Variants in ROR2 observed in about 807,000 individuals in gnomAD.
ROR2 encodes the protein ROR family WNT receptor 2.
In ROR2, 33 loss-of-function variants were observed where a neutral mutation model predicts 74.9. That is an observed-to-expected ratio of 0.44 (90% CI 0.33 to 0.59). ROR2 has a LOEUF of 0.59. Ranked by LOEUF, ROR2 falls within the 20% of genes least tolerant of loss-of-function variation. The pLI is 0.02. For missense variants in ROR2, 1,216 were observed against 1,313.8 expected (o/e 0.93, Z 1.15); for synonymous variants, 586 against 558.7 (o/e 1.05, Z -0.69).
chr9:91,757,586 G>A, intron 2 of ROR2, 27 bp from the exon 3 acceptor site: 1 of 1,608,230 alleles, frequency 6.2e-7, no homozygotes, highest in Non-Finnish European at 8.5e-7. Context: ...TCACAAAAGA[G>A]CAAGCGTCAG....
At chr9:91,908,205 C>T (rs577854435) in intron 1 of ROR2, among the ~76,000 whole-genome samples, 1 of 152,094 alleles carries the variant, frequency 6.6e-6, no homozygotes, top group Admixed American at 6.5e-5. Flanking sequence ...GTGGTGGGGA[C>T]GCTATCTATG....
chr9:91,913,218 T>A (rs1176997366), intron 1 of ROR2, among the ~76,000 whole-genome samples: 7 of 152,292 alleles, frequency 4.6e-5, no homozygotes, highest in African/African-American at 1.7e-4. Context: ...AAATCGACTA[T>A]AGTTACTAAA....
intron 1 of ROR2, among the ~76,000 whole-genome samples, chr9:91,823,710 C>G (rs757445519): frequency 1.8e-4 from 27 of 152,196 alleles, no homozygotes; most frequent in Non-Finnish European, 3.2e-4. Flanking sequence ...GCAGTATTAT[C>G]TTTCAACTTT....
At chr9:91,911,032 C>T (rs1339931646) in intron 1 of ROR2, among the ~76,000 whole-genome samples, 1 of 152,244 alleles carries the variant, frequency 6.6e-6, no homozygotes, top group Non-Finnish European at 1.5e-5. Context: ...TGCTTCAGAA[C>T]ACTATTAGTC....
chr9:91,734,588 C>A (rs938833426), intron 5 of ROR2, among the ~76,000 whole-genome samples: 31 of 152,112 alleles, frequency 2.0e-4, no homozygotes, highest in African/African-American at 7.2e-4. Context: ...TCAGTCATTC[C>A]CTGGGAACCC....
intron 1 of ROR2, among the ~76,000 whole-genome samples, chr9:91,827,021 G>A (rs1209399727): frequency 1.3e-5 from 2 of 152,144 alleles, no homozygotes; most frequent in African/African-American, 4.8e-5. Context: ...TTAAAGCATT[G>A]ACGCATGGCC....
intron 4 of ROR2, among the ~76,000 whole-genome samples, chr9:91,738,756 A>T (rs1158490844): frequency 6.6e-6 from 1 of 152,210 alleles, no homozygotes; most frequent in African/African-American, 2.4e-5. Context: ...GACGGCACAG[A>T]CTGCATGTCA....
At chr9:91,769,021 G>A (rs558517751) in intron 2 of ROR2, among the ~76,000 whole-genome samples, 10 of 152,292 alleles carry the variant, frequency 6.6e-5, no homozygotes, top group African/African-American at 2.4e-4. Context: ...GTTAGAAAAC[G>A]TCTTAGGGAA....
chr9:91,722,841 G>A lies in ROR2; in HGVS notation c.*821C>T. 1 of 548,622 alleles carries A rather than the reference G, an allele frequency of 1.8e-6. No homozygotes were observed. The highest frequency in any genetic ancestry group is 3.3e-6 in the Non-Finnish European group (1 of 306,366). 34.0% of individuals were successfully genotyped at this position (548,622 alleles called of 1,614,324 possible). On this transcript the variant is annotated 3_prime_UTR_variant, in exon 9 of 9. Transcript: ENST00000375708. ...AGACCAAAATACTTCAATGAAAATG[G>A]CATATTAAAAACATATAAATTACAT...
At chr9:91,775,140 T>C (rs556622831) in intron 2 of ROR2, among the ~76,000 whole-genome samples, 2 of 152,344 alleles carry the variant, frequency 1.3e-5, no homozygotes, top group East Asian at 3.9e-4. Context: ...TTCAGCTTCC[T>C]GGTCTGTGGT....
chr9:91,944,624 A>G (rs957558408), intron 1 of ROR2, among the ~76,000 whole-genome samples: 7 of 152,238 alleles, frequency 4.6e-5, no homozygotes, highest in Admixed American at 3.9e-4. Context: ...AACAGCTCGA[A>G]AAGAATAAAA....
intron 1 of ROR2, among the ~76,000 whole-genome samples, chr9:91,796,591 T>A (rs1040834950): frequency 3.9e-5 from 6 of 152,226 alleles, no homozygotes; most frequent in Admixed American, 6.5e-5. Flanking sequence ...GACTAAGCTA[T>A]GCCTGGGTAC....
chr9:91,792,361 G>A (rs1045158842), intron 1 of ROR2, among the ~76,000 whole-genome samples: 1 of 127,300 alleles, frequency 7.9e-6, no homozygotes, highest in Non-Finnish European at 1.6e-5. Flanking sequence ...AGGTTGGAGT[G>A]CAGTAGTGCA....
intron 3 of ROR2, among the ~76,000 whole-genome samples, chr9:91,757,047 G>A (rs898994189): frequency 3.3e-5 from 5 of 152,118 alleles, no homozygotes; most frequent in Admixed American, 1.3e-4. Flanking sequence ...TGGAATTACA[G>A]GCGTGAGCCA....
chr9:91,843,029 TA>T (rs1358651487), intron 1 of ROR2, among the ~76,000 whole-genome samples: 2 of 152,040 alleles, frequency 1.3e-5, no homozygotes, highest in Non-Finnish European at 1.5e-5. Context: ...AACTATTTGC[TA>T]AAAGGATATG....
chr9:91,747,763 C>A (rs1488923352), intron 4 of ROR2, among the ~76,000 whole-genome samples: 1 of 152,014 alleles, frequency 6.6e-6, no homozygotes, highest in East Asian at 1.9e-4. Flanking sequence ...GGGGAGGAGT[C>A]AGTCTACTGA....
intron 1 of ROR2, among the ~76,000 whole-genome samples, chr9:91,869,052 AAT>A (rs1228585151): frequency 1.3e-5 from 2 of 152,086 alleles, no homozygotes; most frequent in Non-Finnish European, 2.9e-5. Context: ...CCTACACGTG[AAT>A]ATATTTTTTT....
intron 2 of ROR2, among the ~76,000 whole-genome samples, chr9:91,769,849 G>GGGC (rs1356635622): frequency 1.3e-5 from 2 of 152,180 alleles, no homozygotes; most frequent in African/African-American, 4.8e-5. Context: ...GAGCCCGGAG[G>GGGC]GGCAGAGACC....
At chr9:91,930,134 AG>A in intron 1 of ROR2, among the ~76,000 whole-genome samples, 1 of 152,318 alleles carries the variant, frequency 6.6e-6, no homozygotes, top group Admixed American at 6.5e-5. Flanking sequence ...TGAAAAGCAG[AG>A]ATTCTCAACT....
Sources: gnomAD v4.1 joint callset for allele counts (sites outside exome capture counted in the v4.1 genomes callset) on GRCh38, gnomAD v4.1.1 for gene constraint, MANE v1.5 for transcripts, NCBI Gene and HGNC (gene_info 2026-07-23, HGNC 2026-07-21) for gene names.